Variants in FCHO2 observed in about 807,000 individuals in gnomAD.
The protein encoded by FCHO2 is FCH and mu domain containing endocytic adaptor 2.
In FCHO2, 43 loss-of-function variants were observed where a neutral mutation model predicts 114.1. The observed-to-expected ratio is 0.38, with a 90% CI of 0.30 to 0.49. The LOEUF (loss-of-function observed/expected upper bound fraction) is 0.49. Ranked by LOEUF, FCHO2 falls within the 20% of genes least tolerant of loss-of-function variation. The probability of loss-of-function intolerance (pLI) is 0.97; values close to 1 mark genes in which losing one functional copy is unlikely to be tolerated. For synonymous variants in FCHO2, 293 were observed against 315.2 expected (o/e 0.93, Z 0.75); for missense variants, 807 against 950.4 (o/e 0.85, Z 1.98).
intron 5 of FCHO2, among the ~76,000 whole-genome samples, chr5:72,993,781 A>C (rs950271411): frequency 1.3e-5 from 2 of 152,216 alleles, no homozygotes; most frequent in African/African-American, 4.8e-5. Context: ...AAAATCTTTT[A>C]GTGATACCTT....
intron 2 of FCHO2, among the ~76,000 whole-genome samples, chr5:72,971,861 G>T (rs910608635): frequency 6.4e-4 from 98 of 152,134 alleles, no homozygotes; most frequent in African/African-American, 2.1e-3. Flanking sequence ...TTAATCCATC[G>T]TGAATTGATT....
intron 2 of FCHO2, among the ~76,000 whole-genome samples, chr5:72,977,380 T>C (rs776948700): frequency 1.3e-5 from 2 of 152,252 alleles, no homozygotes; most frequent in East Asian, 1.9e-4. Flanking sequence ...TGACCAGTGA[T>C]GATGAGCATT....
chr5:73,020,840 C>T, intron 8 of FCHO2: 2 of 934,626 alleles, frequency 2.1e-6, no homozygotes, highest in South Asian at 2.6e-5. Context: ...AGCTGCTCAT[C>T]TGAGATATTT....
intron 2 of FCHO2, among the ~76,000 whole-genome samples, chr5:72,987,430 C>T (rs1185766708): frequency 2.0e-5 from 3 of 152,086 alleles, no homozygotes; most frequent in Admixed American, 6.5e-5. Context: ...CTCCGCCTCC[C>T]GGATTCAAGC....
At chr5:72,969,187 T>C (rs991398843) in intron 2 of FCHO2, among the ~76,000 whole-genome samples, 1 of 152,222 alleles carries the variant, frequency 6.6e-6, no homozygotes, top group Non-Finnish European at 1.5e-5. Context: ...ATTATTTATA[T>C]GAACACATTT....
chr5:73,041,226 T>C (rs1177815815), intron 10 of FCHO2, 65 bp from the exon 11 acceptor site: 2 of 1,084,582 alleles, frequency 1.8e-6, no homozygotes, highest in Non-Finnish European at 2.8e-6. Flanking sequence ...AAGTAAATAC[T>C]TTAAACAAGC....
chr5:73,033,395 A>T (rs1349340966), intron 8 of FCHO2, among the ~76,000 whole-genome samples: 2 of 152,020 alleles, frequency 1.3e-5, no homozygotes, highest in Admixed American at 6.6e-5. Context: ...GTTTAGGGGG[A>T]GGGAGAGGGA....
At chr5:73,037,960 A>T in intron 10 of FCHO2, 1 of 257,054 alleles carries the variant, frequency 3.9e-6, no homozygotes, top group Non-Finnish European at 7.9e-6. Flanking sequence ...GGGTTTCACC[A>T]TATTGGCCAG....
intron 11 of FCHO2, among the ~76,000 whole-genome samples, chr5:73,042,014 C>T (rs1756828139): frequency 6.6e-6 from 1 of 152,042 alleles, no homozygotes; most frequent in African/African-American, 2.4e-5. Flanking sequence ...ACTATTGTTT[C>T]CTTTGATCCC....
Position 72,990,504 on chromosome 5 carries a change from T to G in FCHO2, c.227T>G (p.Phe76Cys). The G allele has an allele frequency of 6.5e-7, 1 of 1,529,188 alleles. No homozygotes were observed. The highest frequency in any genetic ancestry group is 8.8e-7 in the Non-Finnish European group (1 of 1,140,892). 94.7% of individuals were successfully genotyped at this position (1,529,188 alleles called of 1,614,324 possible). Residue 76 changes from phenylalanine (F) to cysteine (C), a missense_variant, in exon 4 of 26, where the codon TTC becomes TGC. Phe to Cys is a radical substitution (Grantham distance 205). Coordinates refer to ENST00000430046, the MANE Select transcript of FCHO2 (RefSeq NM_138782.3). ...LGTFAPVWDV[F>C]KTSTEKLANC... ...ACATTTGCACCAGTATGGGATGTAT[T>G]CAAAACATCTACAGAGAAATTAGCA...
At chr5:72,970,606 A>G (rs990673911) in intron 2 of FCHO2, among the ~76,000 whole-genome samples, 4 of 151,920 alleles carry the variant, frequency 2.6e-5, no homozygotes, top group Admixed American at 6.5e-5. Context: ...TCAAAATCCT[A>G]TCTTTTTCAC....
In FCHO2 at chr5:72,976,094, A is replaced by G. The variant is rs117191605; in HGVS notation, c.125+7505A>G. ...ATACCATTTTGCATTTTAACTAGCAATGAATTAGAGTTCTTATTGCCCCAC... is the reference window on the plus strand; with the variant it reads ...ATACCATTTTGCATTTTAACTAGCAGTGAATTAGAGTTCTTATTGCCCCAC... On this transcript the variant is annotated intron_variant, in intron 2 of 25. Transcript: ENST00000430046. 4.3e-4 allele frequency among the ~76,000 whole-genome samples: 66 copies of G among 152,306 alleles called. No individual in the cohort carries two copies. In the East Asian group the frequency reaches 0.012, roughly 29 times the overall value.
chr5:73,056,784 A>C (rs932359568), intron 16 of FCHO2, among the ~76,000 whole-genome samples: 2 of 152,070 alleles, frequency 1.3e-5, no homozygotes, highest in Admixed American at 6.6e-5. Context: ...TGACGTTATA[A>C]AATAATATAC....
chr5:73,025,913 C>A (rs1247138239), intron 8 of FCHO2, among the ~76,000 whole-genome samples: 1 of 152,360 alleles, frequency 6.6e-6, no homozygotes, highest in African/African-American at 2.4e-5. Context: ...TAAGGAGCCC[C>A]TCTGGCGGAT....
intron 6 of FCHO2, among the ~76,000 whole-genome samples, chr5:73,006,945 A>G (rs79048253): frequency 0.017 from 2,528 of 152,274 alleles, 73 homozygotes; most frequent in African/African-American, 0.053. Flanking sequence ...GACAGACACA[A>G]ATGTCTGCCA....
intron 2 of FCHO2, among the ~76,000 whole-genome samples, chr5:72,984,344 C>G (rs1753389902): frequency 6.7e-6 from 1 of 149,024 alleles, no homozygotes; most frequent in African/African-American, 2.4e-5. Flanking sequence ...TGAACATTTT[C>G]TTTCTCTAAG....
intron 2 of FCHO2, among the ~76,000 whole-genome samples, chr5:72,973,015 C>T (rs1002086297): frequency 1.8e-4 from 28 of 152,168 alleles, no homozygotes; most frequent in African/African-American, 5.5e-4. Context: ...TATTGATTTG[C>T]GTATATTGAA....
intron 6 of FCHO2, among the ~76,000 whole-genome samples, chr5:73,015,287 G>A (rs1755246264): frequency 6.6e-6 from 1 of 151,248 alleles, no homozygotes; most frequent in Admixed American, 6.6e-5. Flanking sequence ...TTTGGAGACG[G>A]AGTCTCGCTC....
intron 1 of FCHO2, among the ~76,000 whole-genome samples, chr5:72,962,777 C>T (rs1007975839): frequency 6.6e-6 from 1 of 151,934 alleles, no homozygotes; most frequent in Non-Finnish European, 1.5e-5. Flanking sequence ...CCTGTAGTCC[C>T]AGCTACTCAG....
Sources: gnomAD v4.1 joint callset for allele counts (sites outside exome capture counted in the v4.1 genomes callset) on GRCh38, gnomAD v4.1.1 for gene constraint, MANE v1.5 for transcripts, NCBI Gene and HGNC (gene_info 2026-07-23, HGNC 2026-07-21) for gene names.